The following IQSEC1 variants were observed in gnomAD, a reference collection of about 807,000 sequenced individuals.
The protein encoded by IQSEC1 is IQ motif and Sec7 domain ArfGEF 1.
In IQSEC1, 31 loss-of-function variants were observed where a neutral mutation model predicts 91.0. The observed-to-expected ratio is 0.34, with a 90% CI of 0.26 to 0.46. IQSEC1 has a LOEUF of 0.46. IQSEC1 is among the 20% of genes least tolerant of loss of function. IQSEC1 has a pLI of 1.00. For synonymous variants in IQSEC1, 699 were observed against 662.6 expected, an observed-to-expected ratio of 1.05 and a Z score of -0.84; for missense variants, 1,388 against 1,575.6, an observed-to-expected ratio of 0.88 and a Z score of 2.02.
intron 1 of IQSEC1, among the ~76,000 whole-genome samples, chr3:13,232,230 A>G (rs1289704477): frequency 6.6e-6 from 1 of 152,224 alleles, no homozygotes; most frequent in African/African-American, 2.4e-5. Context: ...CTAGCCACTC[A>G]GCCCCACCAC....
intron 2 of IQSEC1, among the ~76,000 whole-genome samples, chr3:13,102,902 C>A (rs1256773389): frequency 6.6e-6 from 1 of 152,210 alleles, no homozygotes; most frequent in Non-Finnish European, 1.5e-5. Context: ...TACAACCACC[C>A]TGGGAGGTCG....
intron 1 of IQSEC1, among the ~76,000 whole-genome samples, chr3:13,202,176 G>A (rs1355955065): frequency 6.6e-6 from 1 of 152,230 alleles, no homozygotes; most frequent in Non-Finnish European, 1.5e-5. Context: ...AGGATGTGAA[G>A]AAATTGGAAT....
At chr3:12,915,928 C>T (rs1162281977) in intron 6 of IQSEC1, among the ~76,000 whole-genome samples, 195 bp from the exon 7 acceptor site, 2 of 152,236 alleles carry the variant, frequency 1.3e-5, no homozygotes, top group Non-Finnish European at 2.9e-5. Flanking sequence ...GGGCCCAATA[C>T]ATCCGACCCG....
intron 1 of IQSEC1, among the ~76,000 whole-genome samples, chr3:13,003,438 T>C (rs576137778): frequency 1.3e-5 from 2 of 152,134 alleles, no homozygotes; most frequent in Non-Finnish European, 2.9e-5. Flanking sequence ...AAGACATATC[T>C]ACAGAGACAA....
chr3:13,046,113 C>G (rs1035365918), intron 1 of IQSEC1, among the ~76,000 whole-genome samples: 1 of 152,200 alleles, frequency 6.6e-6, no homozygotes, highest in Non-Finnish European at 1.5e-5. Flanking sequence ...ACCAGGATAC[C>G]CAAATGTTCA....
chr3:13,068,332 C>T (rs2125105289), intron 1 of IQSEC1, among the ~76,000 whole-genome samples: 1 of 152,392 alleles, frequency 6.6e-6, no homozygotes, highest in South Asian at 2.1e-4. Context: ...CTGTTCCTCT[C>T]AGTCTCTAAA....
chr3:13,102,937 G>C (rs1420384855), intron 2 of IQSEC1, among the ~76,000 whole-genome samples: 4 of 152,206 alleles, frequency 2.6e-5, no homozygotes, highest in African/African-American at 9.7e-5. Context: ...AGAAAACTGA[G>C]AGCTGAAGAC....
In IQSEC1 at chr3:12,898,224, G is replaced by C. The variant is rs1241271780; in HGVS notation, c.*2759C>G. Reference sequence around the variant, plus strand: ...CTCTAAAGGGGACAGTCCCATGAAAGACACACGGGGACACCAGCTCACTGG... The same window carrying C: ...CTCTAAAGGGGACAGTCCCATGAAACACACACGGGGACACCAGCTCACTGG... On this transcript the variant is annotated 3_prime_UTR_variant, in exon 14 of 14. Coordinates refer to ENST00000613206, the MANE Select transcript of IQSEC1 (RefSeq NM_001134382.3). 2.6e-5 allele frequency: 4 copies of C among 152,326 alleles called. No individual in the cohort carries two copies. Among genetic ancestry groups the C allele is most frequent in the African/African-American group, 9.6e-5 (4 of 41,566 alleles). 9.4% of individuals were successfully genotyped at this position (152,326 alleles called of 1,614,324 possible).
At chr3:13,278,341 C>T (rs1338688316) in intron 1 of IQSEC1, among the ~76,000 whole-genome samples, 1 of 152,164 alleles carries the variant, frequency 6.6e-6, no homozygotes, top group Non-Finnish European at 1.5e-5. Flanking sequence ...TCATTAAATC[C>T]TTGCCCCCTC....
At chr3:13,066,129 G>C (rs926318818) in intron 1 of IQSEC1, among the ~76,000 whole-genome samples, 3 of 152,208 alleles carry the variant, frequency 2.0e-5, no homozygotes, top group Non-Finnish European at 4.4e-5. Flanking sequence ...GTTTGGGAAA[G>C]TGAAGTTCTG....
At chr3:13,277,071 G>A (rs1380552863) in intron 1 of IQSEC1, among the ~76,000 whole-genome samples, 4 of 125,070 alleles carry the variant, frequency 3.2e-5, no homozygotes, top group East Asian at 2.5e-4. Context: ...TCAGAATGGT[G>A]CACTTCCCAA....
chr3:12,964,408 A>C (rs375115860), intron 1 of IQSEC1, among the ~76,000 whole-genome samples: 18 of 152,106 alleles, frequency 1.2e-4, no homozygotes, highest in African/African-American at 4.3e-4. Flanking sequence ...CCCTGTGCTT[A>C]CTGGGCGGAT....
At chr3:13,235,365 T>C (rs1472447116) in intron 1 of IQSEC1, among the ~76,000 whole-genome samples, 1 of 152,164 alleles carries the variant, frequency 6.6e-6, no homozygotes, top group Non-Finnish European at 1.5e-5. Context: ...TCCCAACCAC[T>C]GCTGCTGGCC....
chr3:13,082,327 A>C (rs894238872), intron 2 of IQSEC1, among the ~76,000 whole-genome samples: 1 of 151,870 alleles, frequency 6.6e-6, no homozygotes, highest in Non-Finnish European at 1.5e-5. Flanking sequence ...ACCACCCCTG[A>C]CTCTCTTTTT....
intron 2 of IQSEC1, among the ~76,000 whole-genome samples, chr3:13,108,070 G>A (rs527836596): frequency 3.3e-5 from 5 of 152,288 alleles, no homozygotes; most frequent in South Asian, 4.1e-4. Context: ...TAACCCCACC[G>A]CCTGGAACCC....
intron 2 of IQSEC1, among the ~76,000 whole-genome samples, chr3:13,113,550 G>A (rs562171467): frequency 6.6e-6 from 1 of 151,074 alleles, no homozygotes; most frequent in Non-Finnish European, 1.5e-5. Context: ...GTTTCCTGGG[G>A]TGGGCACTGC....
chr3:13,007,536 C>T (rs774232690), intron 1 of IQSEC1, among the ~76,000 whole-genome samples: 1 of 152,234 alleles, frequency 6.6e-6, no homozygotes, highest in Non-Finnish European at 1.5e-5. Context: ...TTGCGCGAGT[C>T]ACTTGGCTTG....
rs75439486 is a variant in IQSEC1 at position 12,935,282 on chromosome 3, G to A, written c.1568+166C>T. Among the ~76,000 whole-genome samples, 1,168 of 152,270 alleles carry A rather than the reference G, an allele frequency of 7.7e-3. 12 individuals are homozygous for A. The highest frequency in any genetic ancestry group is 0.026 in the African/African-American group (1,095 of 41,544). On this transcript the variant is annotated intron_variant, in intron 3 of 13. Coordinates refer to ENST00000613206, the MANE Select transcript of IQSEC1 (RefSeq NM_001134382.3). The surrounding 1 kb of genome is among the most constrained non-coding windows in gnomAD (Gnocchi z 8.0). ...GTCCCAGGAGGGGCTAGGCCTCAGC[G>A]CACAGGCTGGCACCGTCCTAGCCAC...
At chr3:13,169,404 C>T (rs1341853884) in intron 1 of IQSEC1, among the ~76,000 whole-genome samples, 2 of 152,168 alleles carry the variant, frequency 1.3e-5, no homozygotes, top group African/African-American at 4.8e-5. Flanking sequence ...ATGTCTTTAT[C>T]AGCAGTGTGA....
Sources: allele counts gnomAD v4.1 joint callset (sites outside exome capture counted in the v4.1 genomes callset), GRCh38; gene constraint gnomAD v4.1.1; non-coding constraint Gnocchi (gnomAD v3.1); transcripts MANE v1.5; gene names NCBI Gene and HGNC (gene_info 2026-07-23, HGNC 2026-07-21).